Variants in STOX2 observed in about 807,000 individuals in gnomAD.
The protein encoded by STOX2 is storkhead box 2, also known as storkhead-box protein 2.
A neutral mutation model predicts 60.9 loss-of-function variants in STOX2; 28 were observed. The ratio of observed to expected loss-of-function variants is 0.46; its 90% CI spans 0.34 to 0.63. STOX2 has a LOEUF of 0.63. Ranked by LOEUF, STOX2 falls within the 30% of genes least tolerant of loss-of-function variation. The pLI is 0.01. For missense variants in STOX2, 1,024 were observed against 1,187.7 expected (o/e 0.86, Z 2.03); for synonymous variants, 472 against 463.9 (o/e 1.02, Z -0.22).
At chr4:183,864,420 G>A (rs993620627) in intron 1 of STOX2, among the ~76,000 whole-genome samples, 2 of 152,140 alleles carry the variant, frequency 1.3e-5, no homozygotes, top group South Asian at 4.2e-4. Flanking sequence ...TTTGAAATGG[G>A]GTCTTACTCT....
In STOX2 at chr4:184,020,750, T is replaced by C. The variant is rs1012915795; in HGVS notation, c.*3466T>C. On this transcript the variant is annotated 3_prime_UTR_variant, in exon 4 of 4. Coordinates refer to ENST00000308497, the MANE Select transcript of STOX2 (RefSeq NM_020225.3). ...TGAATGGAGACTAGCTGGATAAAAA[T>C]AACAAATTACTTCTTCTCTGATGTT... 6.6e-6 allele frequency: 1 copy of C among 151,348 alleles called. No individual in the cohort carries two copies. The highest frequency in any genetic ancestry group is 2.4e-5 in the African/African-American group (1 of 40,964). The allele number at this position is 151,348 out of a possible 1,614,324, so 9.4% of individuals were successfully genotyped here. A position where few individuals can be genotyped will look rare whatever the true frequency, so the allele number is the denominator to read the frequency against.
chr4:183,910,711 C>T (rs1248141905), intron 1 of STOX2, among the ~76,000 whole-genome samples: 3 of 152,148 alleles, frequency 2.0e-5, no homozygotes, highest in Non-Finnish European at 2.9e-5. Context: ...ATTTTGATAA[C>T]ATCTTTAAGG....
Position 184,022,791 on chromosome 4 carries a change from A to G in STOX2, c.*5507A>G, listed in dbSNP as rs902020864. ...CCTTTCCTCCGAGGTCCTCCTTTCC[A>G]TTCTCCCACCTAGATACTGACACAC... On this transcript the variant is annotated 3_prime_UTR_variant, in exon 4 of 4. Transcript: ENST00000308497. 1.3e-5 allele frequency: 2 copies of G among 152,154 alleles called. No homozygotes were observed. The highest frequency in any genetic ancestry group is 2.9e-5 in the Non-Finnish European group (2 of 68,174). The allele number at this position is 152,154 out of a possible 1,614,324, so 9.4% of individuals were successfully genotyped here.
intron 1 of STOX2, among the ~76,000 whole-genome samples, chr4:183,915,906 T>C (rs28566483): frequency 0.27 from 40,927 of 152,090 alleles, 5,852 homozygotes; most frequent in East Asian, 0.54. Context: ...CCACCCACTG[T>C]GCGGTGCTAG....
chr4:183,831,805 T>G (rs1360575531), intron 1 of STOX2, among the ~76,000 whole-genome samples: 1 of 152,074 alleles, frequency 6.6e-6, no homozygotes, highest in Non-Finnish European at 1.5e-5. Flanking sequence ...TTATCTGCCT[T>G]AGTTTCTGTC....
At chr4:183,929,209 T>G (rs1742339473) in intron 1 of STOX2, among the ~76,000 whole-genome samples, 1 of 152,232 alleles carries the variant, frequency 6.6e-6, no homozygotes, top group Admixed American at 6.5e-5. Flanking sequence ...ATGGCTGGTT[T>G]CTTTTCTACA....
intron 1 of STOX2, among the ~76,000 whole-genome samples, chr4:183,934,384 A>C (rs916976304): frequency 1.3e-4 from 20 of 152,230 alleles, no homozygotes; most frequent in African/African-American, 4.8e-4. Flanking sequence ...TCTATCCTGA[A>C]TGCCTTGGCC....
chr4:183,903,023 G>C (rs566683995), upstream of STOX2, among the ~76,000 whole-genome samples: 1 of 152,274 alleles, frequency 6.6e-6, no homozygotes, highest in South Asian at 2.1e-4. Context: ...GTTTAATCAA[G>C]TGCGATTCAA....
At chr4:183,945,849 C>T (rs190979967) in intron 1 of STOX2, among the ~76,000 whole-genome samples, 4 of 152,296 alleles carry the variant, frequency 2.6e-5, no homozygotes, top group East Asian at 1.9e-4. Context: ...TCTCTCCTTG[C>T]GAAGGGCTGT....
upstream of STOX2, among the ~76,000 whole-genome samples, chr4:183,904,962 A>G (rs1019048934): frequency 6.6e-6 from 1 of 152,244 alleles, no homozygotes; most frequent in Non-Finnish European, 1.5e-5. Context: ...ATATGAAACA[A>G]CAGCATAAAT....
intron 1 of STOX2, among the ~76,000 whole-genome samples, chr4:183,853,164 AGTTGAAGGACT>A (rs1291025038): frequency 5.9e-5 from 9 of 152,202 alleles, no homozygotes; most frequent in Non-Finnish European, 1.0e-4. Flanking sequence ...CTGGCATCTA[AGTTGAAGGACT>A]GTTCTCTTCT....
chr4:183,951,381 C>T (rs1743085016), intron 1 of STOX2, among the ~76,000 whole-genome samples: 1 of 150,758 alleles, frequency 6.6e-6, no homozygotes, highest in African/African-American at 2.4e-5. Flanking sequence ...AAGGGAAGTC[C>T]ATGTTGCTGC....
rs938549476 is a variant in STOX2, at chr4:183,825,502, G to A, written c.364+27447G>A. On this transcript the variant is annotated intron_variant, in intron 1 of 2. Coordinates refer to the STOX2 transcript ENST00000513034. The surrounding 1 kb of genome is among the most constrained non-coding windows in gnomAD (Gnocchi z 4.1). ...GGGTGGCAGGCAACCTTCAATGGGT[G>A]AATAGACGTTCCTTCAGGCCCAAGT... 6.6e-6 allele frequency among the ~76,000 whole-genome samples: 1 copy of A among 152,206 alleles called. No homozygotes were observed. The highest frequency in any genetic ancestry group is 1.5e-5 in the Non-Finnish European group (1 of 68,028).
intron 1 of STOX2, among the ~76,000 whole-genome samples, chr4:183,928,719 C>T (rs1473350796): frequency 6.6e-6 from 1 of 152,086 alleles, no homozygotes. Flanking sequence ...GGATTAACAA[C>T]TTAGTGTCTC....
chr4:184,015,927 C>A (rs983560006), intron 3 of STOX2: 3 of 152,208 alleles, frequency 2.0e-5, no homozygotes, highest in Non-Finnish European at 2.9e-5. Flanking sequence ...GCCCAGTCAT[C>A]TTATTTCTGC....
intron 1 of STOX2, among the ~76,000 whole-genome samples, chr4:183,999,879 C>T (rs1449299978): frequency 2.0e-5 from 3 of 152,042 alleles, no homozygotes; most frequent in Non-Finnish European, 4.4e-5. Context: ...GACACCTTGT[C>T]GGGGAGGGTG....
At chr4:183,869,079 A>T (rs548613382) in intron 1 of STOX2, among the ~76,000 whole-genome samples, 32 of 152,350 alleles carry the variant, frequency 2.1e-4, no homozygotes, top group South Asian at 1.7e-3. Context: ...ATAAACACTG[A>T]TTATGTATTT....
intron 1 of STOX2, among the ~76,000 whole-genome samples, chr4:183,871,648 A>G (rs1560855921): frequency 1.3e-5 from 2 of 152,188 alleles, no homozygotes; most frequent in African/African-American, 4.8e-5. Flanking sequence ...GGAGCAAAAC[A>G]TATGAAGTTT....
In STOX2 at chr4:183,836,470, C is replaced by A. The variant is rs1392696665; in HGVS notation, c.364+38415C>A. On this transcript the variant is annotated intron_variant, in intron 1 of 2. Transcript: ENST00000513034. This position sits in a 1 kb window ranked among gnomAD's most constrained non-coding sequence, Gnocchi z 4.1. ...AGCCTCATTTCTTCTTCTGCAAAGT[C>A]TATGCTCCAGGCTGCTGCAATCTTA... Among the ~76,000 whole-genome samples, 7 of 152,164 alleles carry A rather than the reference C, an allele frequency of 4.6e-5. No homozygotes were observed. Among genetic ancestry groups the A allele is most frequent in the African/African-American group, 1.7e-4 (7 of 41,410 alleles).
Sources: allele counts gnomAD v4.1 joint callset (sites outside exome capture counted in the v4.1 genomes callset), GRCh38; gene constraint gnomAD v4.1.1; non-coding constraint Gnocchi (gnomAD v3.1); transcripts MANE v1.5; gene names NCBI Gene and HGNC (gene_info 2026-07-23, HGNC 2026-07-21).